The following GRID1 variants were observed in gnomAD, a reference collection of about 807,000 sequenced individuals.
The protein encoded by GRID1 is glutamate ionotropic receptor delta type subunit 1.
GRID1 carries 28 observed loss-of-function variants against 98.0 expected under a neutral mutation model. That is an observed-to-expected ratio of 0.29 (90% CI 0.21 to 0.39). The LOEUF (loss-of-function observed/expected upper bound fraction) is 0.39. Ranked by LOEUF, GRID1 falls within the 10% of genes least tolerant of loss-of-function variation. The pLI is 1.00. For missense variants in GRID1, 1,111 were observed against 1,340.5 expected, an observed-to-expected ratio of 0.83 and a Z score of 2.67; for synonymous variants, 553 against 538.5, an observed-to-expected ratio of 1.03 and a Z score of -0.37.
chr10:86,113,434 G>T (rs866100840), intron 4 of GRID1, among the ~76,000 whole-genome samples: 3 of 152,216 alleles, frequency 2.0e-5, no homozygotes, highest in Non-Finnish European at 2.9e-5. Context: ...AAAAGCAAAG[G>T]CCTTCTCAGG....
chr10:85,607,513 A>G (rs1228849768), intron 15 of GRID1, among the ~76,000 whole-genome samples: 1 of 152,196 alleles, frequency 6.6e-6, no homozygotes, highest in Non-Finnish European at 1.5e-5. Context: ...TTGGCTGGGT[A>G]AGGACAAAGG....
intron 4 of GRID1, among the ~76,000 whole-genome samples, chr10:86,062,432 G>A (rs544209828): frequency 2.0e-5 from 3 of 152,160 alleles, no homozygotes; most frequent in Admixed American, 2.0e-4. Flanking sequence ...ACTCAGATTC[G>A]CTTCCACCCC....
chr10:85,865,970 G>C (rs1386776257), intron 6 of GRID1, among the ~76,000 whole-genome samples: 9 of 97,476 alleles, frequency 9.2e-5, no homozygotes, highest in African/African-American at 3.8e-4. Flanking sequence ...GAGAGAGAGA[G>C]AGAGAGAGAG....
At chr10:86,237,609 A>C (rs1424152854) in intron 2 of GRID1, among the ~76,000 whole-genome samples, 1 of 151,914 alleles carries the variant, frequency 6.6e-6, no homozygotes, top group African/African-American at 2.4e-5. Flanking sequence ...CTGAGGCAGG[A>C]GAATGGCATG....
chr10:85,657,511 G>A (rs1840913076), intron 12 of GRID1, among the ~76,000 whole-genome samples: 1 of 152,218 alleles, frequency 6.6e-6, no homozygotes, highest in Non-Finnish European at 1.5e-5. Flanking sequence ...AATCATATAT[G>A]AATGAGTTGG....
chr10:86,056,919 C>T (rs1843581881), intron 4 of GRID1, among the ~76,000 whole-genome samples: 1 of 152,254 alleles, frequency 6.6e-6, no homozygotes, highest in Admixed American at 6.5e-5. Context: ...CACGAAGCAT[C>T]AGAAGATGCC....
At chr10:85,698,118 C>T (rs1411682778) in intron 12 of GRID1, among the ~76,000 whole-genome samples, 3 of 151,762 alleles carry the variant, frequency 2.0e-5, no homozygotes, top group Non-Finnish European at 2.9e-5. Context: ...CAGGTACCAC[C>T]GAAAATATCA....
chr10:86,128,893 A>G lies in GRID1; in HGVS notation c.726+9926T>C, dbSNP rs1844794761. ...TGTCAAGCACTGTGAGAAAGGAAAAAGGAAAGCCTACACCCCAAAATACCC... is the reference window on the plus strand; with the variant it reads ...TGTCAAGCACTGTGAGAAAGGAAAAGGGAAAGCCTACACCCCAAAATACCC... On this transcript the variant is annotated intron_variant, in intron 4 of 15. Coordinates refer to ENST00000327946, the MANE Select transcript of GRID1 (RefSeq NM_017551.3). Among the ~76,000 whole-genome samples, 3 of 152,192 alleles carry G rather than the reference A, an allele frequency of 2.0e-5. No homozygotes were observed. The South Asian group carries it at 6.2e-4, about 32-fold the overall frequency.
intron 4 of GRID1, among the ~76,000 whole-genome samples, chr10:86,088,902 A>G (rs952217798): frequency 1.3e-5 from 2 of 152,106 alleles, no homozygotes; most frequent in African/African-American, 4.8e-5. Context: ...GCAGGCAAAA[A>G]AAAAAATGCT....
intron 8 of GRID1, among the ~76,000 whole-genome samples, chr10:85,831,029 A>G (rs1842862867): frequency 6.6e-6 from 1 of 152,180 alleles, no homozygotes; most frequent in Admixed American, 6.5e-5. Context: ...CTGCTGAACT[A>G]TTTACAATGG....
At chr10:86,062,819 G>C (rs767513902) in intron 4 of GRID1, among the ~76,000 whole-genome samples, 14 of 152,244 alleles carry the variant, frequency 9.2e-5, no homozygotes, top group Non-Finnish European at 1.8e-4. Flanking sequence ...CAGGGCTGTT[G>C]TGGGTCCTGT....
intron 3 of GRID1, among the ~76,000 whole-genome samples, chr10:86,163,962 G>T (rs1024891716): frequency 6.6e-6 from 1 of 152,136 alleles, no homozygotes; most frequent in East Asian, 1.9e-4. Flanking sequence ...GAAGCTACTG[G>T]CAAGGCAAGG....
intron 4 of GRID1, among the ~76,000 whole-genome samples, chr10:85,981,901 T>C (rs951521025): frequency 1.3e-5 from 2 of 150,858 alleles, no homozygotes; most frequent in Non-Finnish European, 3.0e-5. Context: ...GAAGGAGGAG[T>C]GTGCTACTTC....
chr10:85,756,745 C>T (rs1405652235), intron 8 of GRID1, among the ~76,000 whole-genome samples: 1 of 152,224 alleles, frequency 6.6e-6, no homozygotes, highest in African/African-American at 2.4e-5. Flanking sequence ...AAAACTGAAA[C>T]CGCAAATAAG....
At chr10:86,176,498 G>A (rs774056267) in intron 3 of GRID1, among the ~76,000 whole-genome samples, 2 of 152,356 alleles carry the variant, frequency 1.3e-5, no homozygotes, top group Non-Finnish European at 2.9e-5. Context: ...CTGTGCATGC[G>A]CTGAGAGCTA....
intron 3 of GRID1, among the ~76,000 whole-genome samples, chr10:86,199,553 G>A (rs1352569388): frequency 1.3e-5 from 2 of 152,120 alleles, no homozygotes; most frequent in African/African-American, 2.4e-5. Context: ...ATGGCCTAGA[G>A]CAAATCCCTT....
chr10:85,641,198 T>C (rs1843112264), intron 13 of GRID1, among the ~76,000 whole-genome samples: 1 of 152,162 alleles, frequency 6.6e-6, no homozygotes, highest in South Asian at 2.1e-4. Flanking sequence ...ATGAAGTTGA[T>C]CAAGCTAAAG....
At chr10:85,747,577 C>G (rs184551306) in intron 8 of GRID1, among the ~76,000 whole-genome samples, 4 of 152,246 alleles carry the variant, frequency 2.6e-5, no homozygotes, top group Admixed American at 2.0e-4. Context: ...TCCAACTGCA[C>G]AGAAGGAAAA....
chr10:85,999,211 CAAAAAAAA>C (rs60210628), intron 4 of GRID1, among the ~76,000 whole-genome samples: 1 of 130,050 alleles, frequency 7.7e-6, no homozygotes, highest in Non-Finnish European at 1.6e-5. Flanking sequence ...GACTCTATTT[CAAAAAAAA>C]AAAAAAAAGA....
Sources: gnomAD v4.1 joint callset for allele counts (sites outside exome capture counted in the v4.1 genomes callset) on GRCh38, gnomAD v4.1.1 for gene constraint, MANE v1.5 for transcripts, NCBI Gene and HGNC (gene_info 2026-07-23, HGNC 2026-07-21) for gene names.